The following RARB variants were observed in gnomAD, a reference collection of about 807,000 sequenced individuals.
RARB encodes the protein HBV-activated protein.
In RARB, 17 loss-of-function variants were observed where a neutral mutation model predicts 51.9. That is an observed-to-expected ratio of 0.33 (90% CI 0.22 to 0.49). The LOEUF (loss-of-function observed/expected upper bound fraction) is 0.49, where lower values mean the gene tolerates loss of function less well. Ranked by LOEUF, RARB falls within the 20% of genes least tolerant of loss-of-function variation. The pLI is 0.99. For synonymous variants in RARB, 215 were observed against 195.4 expected (o/e 1.10, Z -0.84); for missense variants, 369 against 550.8 (o/e 0.67, Z 3.30).
At chr3:25,344,323 G>A (rs906241772) in intron 5 of RARB, among the ~76,000 whole-genome samples, 5 of 152,144 alleles carry the variant, frequency 3.3e-5, no homozygotes, top group African/African-American at 9.7e-5. Context: ...TGAGGTCCCT[G>A]AGAATCTTAG....
chr3:25,056,426 C>G (rs1055229548), intron 2 of RARB, among the ~76,000 whole-genome samples: 1 of 152,152 alleles, frequency 6.6e-6, no homozygotes, highest in African/African-American at 2.4e-5. Context: ...CAGTTTGCAA[C>G]ATTGACTGTC....
intron 5 of RARB, among the ~76,000 whole-genome samples, chr3:25,409,832 G>A (rs902684534): frequency 1.3e-5 from 2 of 152,124 alleles, no homozygotes; most frequent in African/African-American, 4.8e-5. Flanking sequence ...AATGCCTTTT[G>A]TACAATGGTG....
chr3:24,892,957 T>G (rs990155018), intron 2 of RARB, among the ~76,000 whole-genome samples: 1 of 152,238 alleles, frequency 6.6e-6, no homozygotes, highest in Non-Finnish European at 1.5e-5. Context: ...CAGGGTAGTA[T>G]TCTCTGAATC....
chr3:24,845,565 T>G (rs924993822), intron 1 of RARB, among the ~76,000 whole-genome samples: 10 of 152,208 alleles, frequency 6.6e-5, no homozygotes, highest in Non-Finnish European at 7.3e-5. Context: ...TATGGCCATG[T>G]TTAACTGTAA....
chr3:25,188,370 A>C (rs150567212), intron 5 of RARB, among the ~76,000 whole-genome samples: 183 of 152,214 alleles, frequency 1.2e-3, no homozygotes, highest in African/African-American at 4.3e-3. Flanking sequence ...AAAAAGGGAG[A>C]CCTTTTATTG....
chr3:25,595,428 G>A (rs903306805), intron 7 of RARB, among the ~76,000 whole-genome samples: 2 of 152,084 alleles, frequency 1.3e-5, no homozygotes. Context: ...GTCTTAACTC[G>A]AGCTCCTTCT....
At chr3:24,872,856 AAC>A (rs969483427) in intron 2 of RARB, among the ~76,000 whole-genome samples, 1 of 152,148 alleles carries the variant, frequency 6.6e-6, no homozygotes, top group African/African-American at 2.4e-5. Context: ...TTACAGACTT[AAC>A]ACACATGCAC....
At chr3:25,405,074 T>C (rs1473217851) in intron 5 of RARB, among the ~76,000 whole-genome samples, 1 of 152,214 alleles carries the variant, frequency 6.6e-6, no homozygotes, top group Non-Finnish European at 1.5e-5. Flanking sequence ...TTCATGTCTC[T>C]GTTTGCTCCA....
chr3:25,260,210 C>T (rs944458037), intron 5 of RARB, among the ~76,000 whole-genome samples: 10 of 152,122 alleles, frequency 6.6e-5, no homozygotes, highest in Admixed American at 6.6e-4. Context: ...GGTTGGAAGA[C>T]AGTGAGTGCA....
At chr3:25,054,239 T>G (rs564230552) in intron 2 of RARB, among the ~76,000 whole-genome samples, 1 of 150,634 alleles carries the variant, frequency 6.6e-6, no homozygotes, top group South Asian at 2.1e-4. Context: ...GGTTTATTCA[T>G]TCAGATGTTT....
intron 4 of RARB, among the ~76,000 whole-genome samples, chr3:25,173,666 A>T (rs978767134): frequency 6.6e-6 from 1 of 152,158 alleles, no homozygotes; most frequent in Non-Finnish European, 1.5e-5. Flanking sequence ...AAGAAAAAAA[A>T]TTTCATTCAT....
At chr3:25,311,436 C>T (rs1704287070) in intron 5 of RARB, among the ~76,000 whole-genome samples, 3 of 152,340 alleles carry the variant, frequency 2.0e-5, no homozygotes, top group African/African-American at 7.2e-5. Flanking sequence ...TCAAAGAGGC[C>T]TCCTGTAGCT....
chr3:25,276,917 G>A (rs868380705), intron 5 of RARB, among the ~76,000 whole-genome samples: 8 of 152,252 alleles, frequency 5.3e-5, no homozygotes, highest in Middle Eastern at 3.4e-3. Flanking sequence ...TTAAATTCTA[G>A]ATCTAGGACT....
At chr3:25,297,230 G>A (rs533415071) in intron 5 of RARB, among the ~76,000 whole-genome samples, 77 of 152,148 alleles carry the variant, frequency 5.1e-4, no homozygotes, top group African/African-American at 1.8e-3. Context: ...AAATAACTCA[G>A]GATAAAGTAA....
chr3:25,445,149 T>C (rs1035264062), intron 1 of RARB, among the ~76,000 whole-genome samples: 12 of 151,980 alleles, frequency 7.9e-5, no homozygotes, highest in African/African-American at 2.9e-4. Context: ...GGAATTTCAC[T>C]GTGTTGCCCA....
At chr3:25,533,614 G>A (rs1374520021) in intron 3 of RARB, among the ~76,000 whole-genome samples, 3 of 152,130 alleles carry the variant, frequency 2.0e-5, no homozygotes, top group East Asian at 1.9e-4. Context: ...CTTTGCAAAC[G>A]ATATATCTAG....
At chr3:25,229,654 C>A (rs996813033) in intron 5 of RARB, among the ~76,000 whole-genome samples, 2 of 149,826 alleles carry the variant, frequency 1.3e-5, no homozygotes, top group African/African-American at 4.8e-5. Flanking sequence ...TGAATGGGCA[C>A]CCTTTTTTTT....
At chr3:25,082,138 C>T (rs1280435992) in intron 3 of RARB, among the ~76,000 whole-genome samples, 5 of 151,996 alleles carry the variant, frequency 3.3e-5, no homozygotes, top group African/African-American at 7.2e-5. Context: ...AACCTGTGTA[C>T]TTATATTTTA....
chr3:25,347,616 G>T (rs1358789553), intron 5 of RARB, among the ~76,000 whole-genome samples: 2 of 152,182 alleles, frequency 1.3e-5, no homozygotes, highest in African/African-American at 2.4e-5. Flanking sequence ...CAGCCAAAAG[G>T]CATGGAAAGG....
Sources: gnomAD v4.1 joint callset for allele counts (sites outside exome capture counted in the v4.1 genomes callset) on GRCh38, gnomAD v4.1.1 for gene constraint, MANE v1.5 for transcripts, NCBI Gene and HGNC (gene_info 2026-07-23, HGNC 2026-07-21) for gene names.